RGS7: variants seen among roughly 807,000 people sequenced by gnomAD.
RGS7 encodes regulator of G-protein signaling 7.
A neutral mutation model predicts 81.1 loss-of-function variants in RGS7; 27 were observed. That is an observed-to-expected ratio of 0.33 (90% CI 0.25 to 0.46). RGS7 has a LOEUF of 0.46. Among genes scored for constraint, RGS7 ranks in the 20% least tolerant of loss-of-function variants. The pLI is 1.00. For missense variants in RGS7, 396 were observed against 607.4 expected, an observed-to-expected ratio of 0.65 and a Z score of 3.66; for synonymous variants, 208 against 207.7, an observed-to-expected ratio of 1.00 and a Z score of -0.01.
Position 240,775,847 on chromosome 1 carries a change from G to A in RGS7, c.*373C>T. 3.2e-6 allele frequency: 1 copy of A among 314,044 alleles called. No individual in the cohort carries two copies. The highest frequency in any genetic ancestry group is 6.1e-6 in the Non-Finnish European group (1 of 163,944). 19.5% of individuals were successfully genotyped at this position (314,044 alleles called of 1,614,324 possible). A position where few individuals can be genotyped will look rare whatever the true frequency, so the allele number is the denominator to read the frequency against. On this transcript the variant is annotated 3_prime_UTR_variant, in exon 19 of 19. Coordinates refer to ENST00000440928, the MANE Select transcript of RGS7 (RefSeq NM_001364886.1). The stretch of plus-strand genomic sequence containing the variant: ...TGACTGAATTTTCAGTGAACTGTGT[G>A]TCTAACTGAAGCTTTGAGAGAGAGA...
At chr1:241,295,431 T>C (rs1215247673) in intron 2 of RGS7, among the ~76,000 whole-genome samples, 1 of 151,068 alleles carries the variant, frequency 6.6e-6, no homozygotes, top group Non-Finnish European at 1.5e-5. Context: ...CCAGCCTGGG[T>C]GACAGAGCAA....
chr1:241,309,401 A>AAG (rs2080371628), intron 2 of RGS7, among the ~76,000 whole-genome samples: 1 of 151,468 alleles, frequency 6.6e-6, no homozygotes, highest in African/African-American at 2.4e-5. Flanking sequence ...AAAAAAAAAA[A>AAG]AAAGGAAAAA....
intron 2 of RGS7, among the ~76,000 whole-genome samples, chr1:241,156,502 T>C (rs2069160908): frequency 6.9e-6 from 1 of 145,660 alleles, no homozygotes; most frequent in Admixed American, 7.1e-5. Context: ...AGAGACTCTG[T>C]CTCAAAAAAA....
At chr1:241,110,000 T>C (rs1485085104) in intron 2 of RGS7, among the ~76,000 whole-genome samples, 2 of 152,118 alleles carry the variant, frequency 1.3e-5, no homozygotes, top group Non-Finnish European at 2.9e-5. Flanking sequence ...CCCACTTTAA[T>C]AGTATTAAAA....
At chr1:241,049,171 T>C (rs1486769229) in intron 3 of RGS7, among the ~76,000 whole-genome samples, 3 of 152,042 alleles carry the variant, frequency 2.0e-5, no homozygotes, top group African/African-American at 7.3e-5. Context: ...CTTTAACATA[T>C]CTTTTTTGGG....
intron 4 of RGS7, among the ~76,000 whole-genome samples, chr1:240,953,694 T>C (rs79571558): frequency 6.6e-6 from 1 of 151,866 alleles, no homozygotes; most frequent in Non-Finnish European, 1.5e-5. Flanking sequence ...TATTAGAACC[T>C]AGAGAAAGAA....
chr1:241,113,734 T>C (rs2065693498), intron 2 of RGS7, among the ~76,000 whole-genome samples: 1 of 152,162 alleles, frequency 6.6e-6, no homozygotes, highest in East Asian at 1.9e-4. Context: ...TTTGTACTCC[T>C]TCCCTATAAA....
At chr1:240,871,822 T>G (rs1377010473) in intron 6 of RGS7, among the ~76,000 whole-genome samples, 1 of 152,172 alleles carries the variant, frequency 6.6e-6, no homozygotes, top group Non-Finnish European at 1.5e-5. Flanking sequence ...ATTGAATAAT[T>G]TCAGCTTTCC....
chr1:241,240,648 G>A (rs904578731), intron 2 of RGS7, among the ~76,000 whole-genome samples: 4 of 152,064 alleles, frequency 2.6e-5, no homozygotes, highest in African/African-American at 7.3e-5. Context: ...CATATAGTTA[G>A]AAATTGTATG....
At chr1:240,880,112 G>A (rs957328767) in intron 6 of RGS7, among the ~76,000 whole-genome samples, 3 of 152,196 alleles carry the variant, frequency 2.0e-5, no homozygotes, top group African/African-American at 7.2e-5. Flanking sequence ...TACAACCATT[G>A]TTCACCATAG....
chr1:241,230,362 T>C (rs374980471), intron 2 of RGS7, among the ~76,000 whole-genome samples: 1 of 152,038 alleles, frequency 6.6e-6, no homozygotes, highest in Non-Finnish European at 1.5e-5. Flanking sequence ...TACAGGTGTG[T>C]GCCACCACGC....
chr1:241,255,202 C>T (rs1000977783), intron 2 of RGS7, among the ~76,000 whole-genome samples: 1 of 152,148 alleles, frequency 6.6e-6, no homozygotes, highest in Non-Finnish European at 1.5e-5. Flanking sequence ...AGCAGACTAT[C>T]GCCAGTTCTG....
chr1:241,297,030 TA>T (rs148410595), intron 2 of RGS7, among the ~76,000 whole-genome samples: 2,111 of 152,278 alleles, frequency 0.014, 58 homozygotes, highest in African/African-American at 0.048. Context: ...AATATTCCTG[TA>T]AAGACAAACT....
chr1:241,274,386 G>C (rs1383510725), intron 2 of RGS7, among the ~76,000 whole-genome samples: 1 of 152,140 alleles, frequency 6.6e-6, no homozygotes, highest in Non-Finnish European at 1.5e-5. Context: ...ACCTAAATAT[G>C]CCCAGAATTT....
intron 4 of RGS7, among the ~76,000 whole-genome samples, chr1:240,969,915 G>A (rs1405012111): frequency 6.6e-6 from 1 of 152,168 alleles, no homozygotes; most frequent in Non-Finnish European, 1.5e-5. Context: ...TTGAATACTG[G>A]TTATCTCTCC....
At chr1:240,947,404 T>G (rs939944847) in intron 4 of RGS7, among the ~76,000 whole-genome samples, 1 of 152,200 alleles carries the variant, frequency 6.6e-6, no homozygotes, top group South Asian at 2.1e-4. Flanking sequence ...CATGTCAAAA[T>G]TGAATTGTTG....
At chr1:241,267,697 C>T (rs1449251407) in intron 2 of RGS7, among the ~76,000 whole-genome samples, 1 of 152,168 alleles carries the variant, frequency 6.6e-6, no homozygotes, top group Non-Finnish European at 1.5e-5. Context: ...ACTCTCCAGG[C>T]AATTTCAACT....
At chr1:241,111,866 TA>T (rs1457805674) in intron 2 of RGS7, among the ~76,000 whole-genome samples, 1 of 152,150 alleles carries the variant, frequency 6.6e-6, no homozygotes, top group Non-Finnish European at 1.5e-5. Context: ...CTGAAAACAA[TA>T]AATGTACCCA....
intron 18 of RGS7, among the ~76,000 whole-genome samples, chr1:240,799,495 T>C (rs1234074799): frequency 3.9e-5 from 6 of 152,006 alleles, no homozygotes; most frequent in Non-Finnish European, 8.8e-5. Flanking sequence ...CCAGTAGAAA[T>C]TGTTTATCTT....
Sources: allele counts gnomAD v4.1 joint callset (sites outside exome capture counted in the v4.1 genomes callset), GRCh38; gene constraint gnomAD v4.1.1; transcripts MANE v1.5; gene names NCBI Gene and HGNC (gene_info 2026-07-23, HGNC 2026-07-21).